SLC19A1: variants seen among roughly 807,000 people sequenced by gnomAD.
SLC19A1 encodes solute carrier family 19 member 1, also known as reduced folate transporter.
A neutral mutation model predicts 35.3 loss-of-function variants in SLC19A1; 37 were observed. The ratio of observed to expected loss-of-function variants is 1.05; its 90% CI spans 0.81 to 1.38. The LOEUF is 1.38. Among genes scored for constraint, SLC19A1 ranks in the 40% most tolerant of loss-of-function variants. SLC19A1 has a pLI of 0.00. For synonymous variants in SLC19A1, 460 were observed against 398.5 expected, an observed-to-expected ratio of 1.15 and a Z score of -1.84; for missense variants, 831 against 826.9, an observed-to-expected ratio of 1.00 and a Z score of -0.06.
intron 1 of SLC19A1, among the ~76,000 whole-genome samples, chr21:45,555,713 A>C (rs1344717148): frequency 6.6e-6 from 1 of 151,870 alleles, no homozygotes; most frequent in Non-Finnish European, 1.5e-5. Context: ...TAGCCTCCCG[A>C]GCAGGGTGGG....
rs769346765 is a variant in SLC19A1 at position 45,531,684 on chromosome 21, C to A, written c.654G>T (p.Gly218=). Reference sequence around the variant, plus strand: ...GCTCCGAAGCCGAGGTTTCGCACCGCCCCCGGTCGTCGCGGTTGAAGAAGA... The same window carrying A: ...GCTCCGAAGCCGAGGTTTCGCACCGACCCCGGTCGTCGCGGTTGAAGAAGA... ...RSLFFNRDDR[G]RCETSASELE... Residue 218 remains glycine (G), a synonymous_variant, in exon 3 of 6, where the codon GGG becomes GGT. Coordinates refer to ENST00000311124, the MANE Select transcript of SLC19A1 (RefSeq NM_194255.4). 5.0e-6 allele frequency: 8 copies of A among 1,612,354 alleles called. No individual in the cohort carries two copies. In the South Asian group the frequency reaches 8.8e-5, roughly 18 times the overall value.
chr21:45,547,589 A>G (rs73372961), upstream of SLC19A1, among the ~76,000 whole-genome samples: 2,741 of 152,276 alleles, frequency 0.018, 87 homozygotes, highest in African/African-American at 0.063. Context: ...TTCTATTGAT[A>G]ATAACTCTTT....
rs1040933471 is a variant in SLC19A1 at position 45,503,808 on chromosome 21, A to C, written c.498-5196T>G. On this transcript the variant is annotated intron_variant, in intron 3 of 4. Coordinates refer to the SLC19A1 transcript ENST00000417954. ...TAATAATAAATTTAAAAAATTTAAA[A>C]ATAAAATAAAAATAAAAAGGCACCA... 8 of 340,606 alleles carry C rather than the reference A, an allele frequency of 2.3e-5. 2 individuals carry two copies. The South Asian group carries it at 3.7e-4, about 16-fold the overall frequency. The allele number at this position is 340,606 out of a possible 1,614,324, so 21.1% of individuals were successfully genotyped here. A position where few individuals can be genotyped will look rare whatever the true frequency, so the allele number is the denominator to read the frequency against.
rs776173955 is a variant in SLC19A1 at position 45,531,692 on chromosome 21, C to A, written c.646G>T (p.Asp216Tyr). The A allele has an allele frequency of 2.5e-6, 4 of 1,612,570 alleles. No homozygotes were observed. The highest frequency in any genetic ancestry group is 2.2e-5 in the East Asian group (1 of 44,866). Residue 216 changes from aspartate (D) to tyrosine (Y), a missense_variant, in exon 3 of 6, where the codon GAC (aspartate) becomes TAC (tyrosine). Coordinates refer to ENST00000311124, the MANE Select transcript of SLC19A1 (RefSeq NM_194255.4). ...PKRSLFFNRD[D>Y]RGRCETSASE... The stretch of plus-strand genomic sequence containing the variant: ...GCCGAGGTTTCGCACCGCCCCCGGT[C>A]GTCGCGGTTGAAGAAGAGGCTGCGC...
At chr21:45,507,144 G>A (rs2037257648) in intron 3 of SLC19A1, 1 of 193,160 alleles carries the variant, frequency 5.2e-6, no homozygotes, top group African/African-American at 3.6e-5. Context: ...GCACCCTCCT[G>A]TGGGCTGGGA....
At chr21:45,508,741 A>G (rs1285810415), downstream of SLC19A1, among the ~76,000 whole-genome samples, 1 of 152,134 alleles carries the variant, frequency 6.6e-6, no homozygotes, top group Non-Finnish European at 1.5e-5. Context: ...TCATTCAGCC[A>G]GTCAATAGTC....
chr21:45,530,318 G>C lies in SLC19A1; in HGVS notation c.1151+452C>G, dbSNP rs1306288075. On this transcript the variant is annotated intron_variant, in intron 4 of 5. Transcript: ENST00000311124. The surrounding 1 kb of genome is among the most constrained non-coding windows in gnomAD (Gnocchi z 5.3). ...GTGCACGTGTGGTATGTGTTCATGA[G>C]TGTGTGGTGAGTGTCCATCTGTGCG... Among the ~76,000 whole-genome samples, 2 of 149,832 alleles carry C rather than the reference G, an allele frequency of 1.3e-5. No individual in the cohort carries two copies. Among genetic ancestry groups the C allele is most frequent in the African/African-American group, 5.0e-5 (2 of 40,242 alleles).
At chr21:45,507,715 C>T (rs2037307074), downstream of SLC19A1, 4 of 910,540 alleles carry the variant, frequency 4.4e-6, no homozygotes, top group South Asian at 1.4e-5. Context: ...ATGTGGCTCA[C>T]CATCAGCCCC....
At chr21:45,519,645 A>G (rs1048646202) in intron 5 of SLC19A1, among the ~76,000 whole-genome samples, 3 of 151,912 alleles carry the variant, frequency 2.0e-5, no homozygotes, top group African/African-American at 7.3e-5. Context: ...CCACTATTAC[A>G]CAATTGACAA....
At chr21:45,510,945 ACCCACAACACCC>A (rs1344038832), downstream of SLC19A1, among the ~76,000 whole-genome samples, 19 of 26,040 alleles carry the variant, frequency 7.3e-4, no homozygotes, top group African/African-American at 4.2e-3. Context: ...AAAAACACAC[ACCCACAACACCC>A]CACATACACC....
intron 1 of SLC19A1, among the ~76,000 whole-genome samples, chr21:45,560,215 A>AC (rs2078601947): frequency 6.6e-6 from 1 of 151,706 alleles, no homozygotes; most frequent in African/African-American, 2.4e-5. Context: ...TCCAGGATCC[A>AC]CCCCCCAAGG....
downstream of SLC19A1, chr21:45,510,332 G>A: frequency 6.6e-7 from 1 of 1,505,494 alleles, no homozygotes; most frequent in African/African-American, 1.4e-5. Flanking sequence ...ACTCCCAGCG[G>A]GGAGCTCCCC....
At chr21:45,509,157 G>A (rs183058482), downstream of SLC19A1, among the ~76,000 whole-genome samples, 1,036 of 152,174 alleles carry the variant, frequency 6.8e-3, 12 homozygotes, top group African/African-American at 0.023. Context: ...GGTGACCCGC[G>A]ATCCGGCGCC....
intron 3 of SLC19A1, among the ~76,000 whole-genome samples, chr21:45,503,613 A>ATAT (rs972750550): frequency 2.3e-5 from 3 of 128,854 alleles, no homozygotes; most frequent in Middle Eastern, 4.5e-3. Flanking sequence ...AGGAAGGGGA[A>ATAT]CATCACACTC....
intron 3 of SLC19A1, among the ~76,000 whole-genome samples, chr21:45,503,768 C>T (rs972826412): frequency 1.3e-5 from 2 of 151,206 alleles, no homozygotes; most frequent in African/African-American, 2.4e-5. Flanking sequence ...CACATGTACC[C>T]TAAAACTTAA....
downstream of SLC19A1, chr21:45,510,129 C>A: frequency 1.2e-6 from 2 of 1,600,304 alleles, no homozygotes; most frequent in Non-Finnish European, 1.7e-6. Flanking sequence ...GGGCCGACTT[C>A]CAGTGCTTCC....
At chr21:45,509,571 C>G (rs766174875), downstream of SLC19A1, 17 of 1,528,854 alleles carry the variant, frequency 1.1e-5, no homozygotes, top group Admixed American at 1.9e-5. Flanking sequence ...CAAGCCCACC[C>G]GCCCACAGCC....
downstream of SLC19A1, among the ~76,000 whole-genome samples, chr21:45,508,346 G>C (rs2037361134): frequency 6.6e-6 from 1 of 151,308 alleles, no homozygotes; most frequent in Non-Finnish European, 1.5e-5. Context: ...CAGATGGATG[G>C]TGGACAAGTG....
In SLC19A1 at chr21:45,535,197, G is replaced by T. The variant is rs186705421; in HGVS notation, c.189+2574C>A. Among the ~76,000 whole-genome samples, 778 of 152,320 alleles carry T rather than the reference G, an allele frequency of 5.1e-3. 3 individuals carry two copies. Among genetic ancestry groups the T allele is most frequent in the African/African-American group, 0.017 (726 of 41,580 alleles). ...GGGGTCTCCCTGGAGGAGGGCGGGG[G>T]CTGCAGCTCCCACCACACAGCACAG... On this transcript the variant is annotated intron_variant, in intron 2 of 5. Coordinates refer to ENST00000311124, the MANE Select transcript of SLC19A1 (RefSeq NM_194255.4).
Sources: allele counts gnomAD v4.1 joint callset (sites outside exome capture counted in the v4.1 genomes callset), GRCh38; gene constraint gnomAD v4.1.1; non-coding constraint Gnocchi (gnomAD v3.1); transcripts MANE v1.5; gene names NCBI Gene and HGNC (gene_info 2026-07-23, HGNC 2026-07-21).